DCHS1: variants seen among roughly 807,000 people sequenced by gnomAD.
DCHS1 encodes protocadherin-16.
In DCHS1, 78 loss-of-function variants were observed where a neutral mutation model predicts 213.9. That is an observed-to-expected ratio of 0.36 (90% CI 0.30 to 0.44). DCHS1 has a LOEUF of 0.44. Ranked by LOEUF, DCHS1 falls within the 20% of genes least tolerant of loss-of-function variation. The pLI is 1.00. For synonymous variants in DCHS1, 1,828 were observed against 1,873.7 expected, an observed-to-expected ratio of 0.98 and a Z score of 0.63; for missense variants, 3,946 against 4,395.9, an observed-to-expected ratio of 0.90 and a Z score of 2.89.
At chr11:6,655,451 T>G in intron 1 of DCHS1, 112 bp downstream of exon 1, 1 of 704,360 alleles carries the variant, frequency 1.4e-6, no homozygotes, top group Non-Finnish European at 1.7e-6. Context: ...CCTCCCCCAT[T>G]GTCTCCGGCT....
Position 6,631,628 on chromosome 11 carries a change from G to T in DCHS1, c.3663C>A (p.Gly1221=). The T allele has an allele frequency of 6.3e-7, 1 of 1,577,178 alleles. No homozygotes were observed. Residue 1221 remains glycine (G), a synonymous_variant, in exon 7 of 21, where the codon GGC becomes GGA. Transcript: ENST00000299441. ...CCACTTCACATACCTGTATAGGGAGGCCCCCACCAGCAGCTCCTGAAGCCT... is the reference window on the plus strand; with the variant it reads ...CCACTTCACATACCTGTATAGGGAGTCCCCCACCAGCAGCTCCTGAAGCCT... The part of the protein sequence containing the change: ...FLQASGAAGG[G]LPIQVPDRVP...
rs1856065505 is a variant in DCHS1 at position 6,641,041 on chromosome 11, G to A, written c.573C>T (p.Phe191=). Residue 191 remains phenylalanine, a synonymous_variant, in exon 2 of 21, where the codon TTC becomes TTT. Transcript: ENST00000299441. The surrounding 1 kb of genome is among the most constrained non-coding windows in gnomAD (Gnocchi z 7.1). ...CTGGACCGGGGCGTGTCTCCAGCCG[G>A]AAGGTCTCTCCAGCCCCATCACCAG... ...ALSGDGAGET[F]RLETRPGPDG... is the part of the protein sequence containing the mutation. 6.2e-7 allele frequency: 1 copy of A among 1,613,862 alleles called. No homozygotes were observed. The highest frequency in any genetic ancestry group is 8.5e-7 in the Non-Finnish European group (1 of 1,179,892).
chr11:6,655,533 C>T (rs1194160174), intron 1 of DCHS1, 30 bp downstream of exon 1: 3 of 980,434 alleles, frequency 3.1e-6, no homozygotes, highest in Non-Finnish European at 3.6e-6. Context: ...CGGGCGCGGC[C>T]AGACGGGCCG....
At chr11:6,648,628 T>C (rs1020557882) in intron 1 of DCHS1, among the ~76,000 whole-genome samples, 3 of 152,134 alleles carry the variant, frequency 2.0e-5, no homozygotes, top group Non-Finnish European at 4.4e-5. Flanking sequence ...CAATATATCA[T>C]AGCAAGGCAG....
chr11:6,650,843 G>C lies in DCHS1; in HGVS notation c.-121+4720C>G, dbSNP rs111305428. On this transcript the variant is annotated intron_variant, in intron 1 of 20. Transcript: ENST00000299441. ...CTTCTTAAATATTTGCTAACTGAATGAAAGATAAAGTACAGATAAGGGAGA... is the reference window on the plus strand; with the variant it reads ...CTTCTTAAATATTTGCTAACTGAATCAAAGATAAAGTACAGATAAGGGAGA... Among the ~76,000 whole-genome samples, 476 of 152,308 alleles carry C rather than the reference G, an allele frequency of 3.1e-3. 8 individuals are homozygous for C. Among genetic ancestry groups the C allele is most frequent in the African/African-American group, 0.011 (454 of 41,550 alleles).
At chr11:6,647,992 G>C (rs1272034708) in intron 1 of DCHS1, among the ~76,000 whole-genome samples, 1 of 152,186 alleles carries the variant, frequency 6.6e-6, no homozygotes, top group Non-Finnish European at 1.5e-5. Flanking sequence ...ATGAGGGAGT[G>C]GAAGGACTCT....
chr11:6,642,634 T>C (rs767120481), intron 1 of DCHS1, among the ~76,000 whole-genome samples: 13 of 7,252 alleles, frequency 1.8e-3, no homozygotes, highest in African/African-American at 2.4e-3. Flanking sequence ...GAGGGTGGGG[T>C]GGGGTGGGGG....
At position 6,641,619 on chromosome 11, in the gene DCHS1, G is replaced by C. The variant is rs1856076833; in HGVS notation, c.-6C>G. 6.5e-7 allele frequency: 1 copy of C among 1,536,948 alleles called. No individual in the cohort carries two copies. Among genetic ancestry groups the C allele is most frequent in the Admixed American group, 2.0e-5 (1 of 50,536 alleles). ...ATGCCCAGCTCCTTCTGCATGACAA[G>C]GGTAGTCCAGCTGTGCCTTGGGCTC... On this transcript the variant is annotated 5_prime_UTR_variant, in exon 2 of 21. Coordinates refer to ENST00000299441, the MANE Select transcript of DCHS1 (RefSeq NM_003737.4). This position sits in a 1 kb window ranked among gnomAD's most constrained non-coding sequence, Gnocchi z 7.1.
Position 6,625,585 on chromosome 11 carries a change from A to ACC in DCHS1, c.6862+10_6862+11dup. 1 of 1,613,238 alleles carries ACC rather than the reference A, an allele frequency of 6.2e-7. No individual in the cohort carries two copies. Among genetic ancestry groups the ACC allele is most frequent in the African/African-American group, 1.3e-5 (1 of 74,876 alleles). On this transcript the variant is annotated intron_variant, in intron 18 of 20. Coordinates refer to ENST00000299441, the MANE Select transcript of DCHS1 (RefSeq NM_003737.4). This position sits in a 1 kb window ranked among gnomAD's most constrained non-coding sequence, Gnocchi z 5.3. ...TGCCACCCTTTATGCCACCCACTTT[A>ACC]CCCAGCCTCACCTTCTGACACTCGG...
In DCHS1 at chr11:6,626,957, C is replaced by A; in HGVS notation, c.6082G>T (p.Ala2028Ser). 1 of 1,613,738 alleles carries A rather than the reference C, an allele frequency of 6.2e-7. No homozygotes were observed. Among genetic ancestry groups the A allele is most frequent in the Non-Finnish European group, 8.5e-7 (1 of 1,179,882 alleles). ...AGGACACGATCTCGGGGGCCTAGAG[C>A]TACAGGAGAGCGGGCCACGCGGATT... ...GEIRVARSPV[A>S]LGPRDRVLFI... The change falls in exon 14 of 21, where the codon GCT becomes TCT. Residue 2028 changes from alanine to serine, a missense_variant. Around this residue, in one of 3 missense-constraint regions of DCHS1, gnomAD observed 3,384 missense variants for 3,780.1 expected, o/e 0.90. Transcript: ENST00000299441. The surrounding 1 kb of genome is among the most constrained non-coding windows in gnomAD (Gnocchi z 5.2).
chr11:6,640,190 T>G lies in DCHS1; in HGVS notation c.1424A>C (p.Gln475Pro), dbSNP rs1856046298. The change falls in exon 2 of 21, where the codon CAG (glutamine) becomes CCG (proline). Residue 475 changes from glutamine (Q) to proline (P), a missense_variant. Transcript: ENST00000299441. This position sits in a 1 kb window ranked among gnomAD's most constrained non-coding sequence, Gnocchi z 6.5. ...AGGCAGGGGCTCAGGTCGGTAGAGC[T>G]GGCGGTCAAAGGCAGGTGCATTGTC... ...VNDNAPAFDR[Q>P]LYRPEPLPEV... The G allele has an allele frequency of 6.2e-7, 1 of 1,613,650 alleles. No homozygotes were observed. Among genetic ancestry groups the G allele is most frequent in the African/African-American group, 1.3e-5 (1 of 74,930 alleles).
chr11:6,648,297 A>C (rs1383174457), intron 1 of DCHS1, among the ~76,000 whole-genome samples: 1 of 152,198 alleles, frequency 6.6e-6, no homozygotes, highest in African/African-American at 2.4e-5. Context: ...ATTAAGCAGT[A>C]GGTTGAAGAG....
rs1050786728 is a variant in DCHS1 at position 6,625,613 on chromosome 11, C to T, written c.6846G>A (p.Glu2282=). The T allele has an allele frequency of 6.2e-7, 1 of 1,613,604 alleles. No individual in the cohort carries two copies. Among genetic ancestry groups the T allele is most frequent in the Non-Finnish European group, 8.5e-7 (1 of 1,179,832 alleles). ...CAGCCTCACCTTCTGACACTCGGAG[C>T]TCCCAGGGTTGGGGGATGGTGGGGC... ...DNRPTIPQPW[E]LRVSEDALLG... is the part of the protein sequence containing the mutation. The change falls in exon 18 of 21, where the codon GAG becomes GAA. Residue 2282 remains glutamate, a synonymous_variant. Coordinates refer to ENST00000299441, the MANE Select transcript of DCHS1 (RefSeq NM_003737.4). This position sits in a 1 kb window ranked among gnomAD's most constrained non-coding sequence, Gnocchi z 5.3.
chr11:6,624,497 G>T, intron 20 of DCHS1, 107 bp from the exon 21 acceptor site: 1 of 1,359,740 alleles, frequency 7.4e-7, no homozygotes, highest in Non-Finnish European at 9.9e-7. Flanking sequence ...CAGACTCAGG[G>T]AATGGCCTAT....
In DCHS1 at chr11:6,625,005, A is replaced by C; in HGVS notation, c.7147-137T>G. The C allele has an allele frequency of 7.1e-7, 1 of 1,414,188 alleles. No homozygotes were observed. The allele number at this position is 1,414,188 out of a possible 1,614,324, so 87.6% of individuals were successfully genotyped here. A position where few individuals can be genotyped will look rare whatever the true frequency, so the allele number is the denominator to read the frequency against. On this transcript the variant is annotated intron_variant, in intron 19 of 20. Coordinates refer to ENST00000299441, the MANE Select transcript of DCHS1 (RefSeq NM_003737.4). This position sits in a 1 kb window ranked among gnomAD's most constrained non-coding sequence, Gnocchi z 5.3. Reference sequence around the variant, plus strand: ...GGAGCCCCTACTCCTAAGTATTCGAATGGGAAATGCCCACCTTCTCCCCTT... The same window carrying C: ...GGAGCCCCTACTCCTAAGTATTCGACTGGGAAATGCCCACCTTCTCCCCTT...
intron 1 of DCHS1, among the ~76,000 whole-genome samples, chr11:6,650,951 G>A (rs1856234003): frequency 6.6e-6 from 1 of 152,202 alleles, no homozygotes; most frequent in Admixed American, 6.5e-5. Flanking sequence ...AGTGAGTAGT[G>A]TGAAAATTTC....
chr11:6,631,734 C>A lies in DCHS1; in HGVS notation c.3557G>T (p.Gly1186Val), dbSNP rs2134629409. ...TGTGGTGCTGCGGGGTGGGCTCCCT[C>A]CATCCTGCACCTGCACCAGGAGCTG... The part of the protein sequence containing the change: ...SYQLLVQVQD[G>V]GSPPRSTTGT... Residue 1186 changes from glycine to valine, a missense_variant, in exon 7 of 21, where the codon GGA becomes GTA. By Grantham distance (109) the Gly-to-Val change is moderately radical. This residue lies in a region of DCHS1 where 3,384 missense variants were observed against 3,780.1 expected (regional missense o/e 0.90). Transcript: ENST00000299441. 1 of 1,607,788 alleles carries A rather than the reference C, an allele frequency of 6.2e-7. No homozygotes were observed. The highest frequency in any genetic ancestry group is 1.7e-5 in the Admixed American group (1 of 59,018).
chr11:6,644,571 G>A (rs1407421327), intron 1 of DCHS1, among the ~76,000 whole-genome samples: 1 of 152,202 alleles, frequency 6.6e-6, no homozygotes, highest in Non-Finnish European at 1.5e-5. Context: ...CAGCAGCCTC[G>A]ATTTGTTCAT....
In DCHS1 at chr11:6,630,596, G is replaced by C; in HGVS notation, c.4198C>G (p.Pro1400Ala). The change falls in exon 10 of 21, where the codon CCG (proline) becomes GCG (alanine). Residue 1400 changes from proline to alanine, a missense_variant. By Grantham distance (27) the Pro-to-Ala change is conservative (BLOSUM62 -1). Transcript: ENST00000299441. Reference sequence around the variant, plus strand: ...CGTACCGTAAGCGCGCGCCACGGCGGGCCAGCTTCGAAGTCCAGGGGCCGC... The same window carrying C: ...CGTACCGTAAGCGCGCGCCACGGCGCGCCAGCTTCGAAGTCCAGGGGCCGC... ...LARPLDFEAG[P>A]PWRALTVRAE... The C allele has an allele frequency of 1.3e-6, 2 of 1,541,058 alleles. No individual in the cohort carries two copies. The highest frequency in any genetic ancestry group is 1.7e-6 in the Non-Finnish European group (2 of 1,150,572).
Sources: allele counts gnomAD v4.1 joint callset (sites outside exome capture counted in the v4.1 genomes callset), GRCh38; gene constraint gnomAD v4.1.1; regional missense constraint gnomAD v4.1.1; non-coding constraint Gnocchi (gnomAD v3.1); transcripts MANE v1.5; gene names NCBI Gene and HGNC (gene_info 2026-07-23, HGNC 2026-07-21).